Variants in FBXO11 observed in about 807,000 individuals in gnomAD.
FBXO11 encodes the protein F-box only protein 11.
In FBXO11, 13 loss-of-function variants were observed where a neutral mutation model predicts 117.0. The observed-to-expected ratio is 0.11, with a 90% CI of 0.07 to 0.18. FBXO11 has a LOEUF of 0.18. FBXO11 is among the 10% of genes least tolerant of loss of function. FBXO11 has a pLI of 1.00. For synonymous variants in FBXO11, 490 were observed against 380.5 expected (o/e 1.29, Z -3.35); for missense variants, 767 against 1,164.4 (o/e 0.66, Z 4.97).
chr2:47,891,559 G>T (rs1437331886), intron 1 of FBXO11, among the ~76,000 whole-genome samples: 1 of 152,148 alleles, frequency 6.6e-6, no homozygotes, highest in African/African-American at 2.4e-5. Flanking sequence ...CTTGGCTATT[G>T]TGAATAGTGC....
At chr2:47,872,493 T>G (rs997864553) in intron 1 of FBXO11, among the ~76,000 whole-genome samples, 1 of 152,086 alleles carries the variant, frequency 6.6e-6, no homozygotes, top group Non-Finnish European at 1.5e-5. Flanking sequence ...CTGCCTAATT[T>G]TTGTATTTTT....
intron 1 of FBXO11, among the ~76,000 whole-genome samples, chr2:47,882,039 C>T (rs1030679952): frequency 1.3e-5 from 2 of 152,076 alleles, no homozygotes; most frequent in Non-Finnish European, 2.9e-5. Context: ...TGAGTCACCA[C>T]GCCCAGCCCA....
intron 1 of FBXO11, among the ~76,000 whole-genome samples, chr2:47,898,328 C>A (rs1677833207): frequency 1.3e-5 from 2 of 152,072 alleles, no homozygotes; most frequent in South Asian, 2.1e-4. Context: ...TTTATGCTAA[C>A]CAAACATATA....
intron 13 of FBXO11, among the ~76,000 whole-genome samples, 146 bp downstream of exon 13, chr2:47,822,064 CAAGAGAGT>C (rs928261998): frequency 8.5e-5 from 13 of 152,224 alleles, no homozygotes; most frequent in African/African-American, 2.9e-4. Flanking sequence ...CCAGTCTGCA[CAAGAGAGT>C]AAGACCTCAT....
rs1198519700 is a variant in FBXO11, at chr2:47,834,609, T to C, written c.904A>G (p.Ile302Val). The change falls in exon 7 of 23, where the codon ATT becomes GTT. Residue 302 changes from isoleucine (I) to valine (V), a missense_variant. Ile to Val is a conservative substitution (Grantham distance 29). Around this residue, in one of 10 missense-constraint regions of FBXO11, gnomAD observed 123 missense variants for 145.0 expected, o/e 0.85. Coordinates refer to ENST00000403359, the MANE Select transcript of FBXO11 (RefSeq NM_001190274.2). The part of the protein sequence containing the change: ...SGIYTDEWIY[I>V]ESPITMIGAA... ...CCAATCATGGTGATTGGAGATTCAA[T>C]ATATATCCATTCATCAGTATATATT... The C allele has an allele frequency of 6.3e-7, 1 of 1,596,030 alleles. No homozygotes were observed. Among genetic ancestry groups the C allele is most frequent in the Non-Finnish European group, 8.5e-7 (1 of 1,172,870 alleles).
chr2:47,836,269 G>A (rs1672555281), intron 4 of FBXO11, among the ~76,000 whole-genome samples: 1 of 152,080 alleles, frequency 6.6e-6, no homozygotes, highest in South Asian at 2.1e-4. Context: ...GAGATTATGG[G>A]CATGTGTCAC....
At chr2:47,905,414 GCCCGCCCGCCCGC>G in intron 1 of FBXO11, 62 bp downstream of exon 1, 1 of 1,018,638 alleles carries the variant, frequency 9.8e-7, no homozygotes, top group Non-Finnish European at 1.2e-6. Flanking sequence ...CCGCCCGCCC[GCCCGCCCGCCCGC>G]CCCGGCCTCC....
chr2:47,814,438 G>T (rs1670866390), intron 16 of FBXO11: 1 of 150,602 alleles, frequency 6.6e-6, no homozygotes, highest in African/African-American at 2.5e-5. Context: ...AGTTGCAGTG[G>T]CATGATCATA....
chr2:47,871,771 G>T (rs749951562), intron 1 of FBXO11, among the ~76,000 whole-genome samples: 3 of 152,120 alleles, frequency 2.0e-5, no homozygotes, highest in Non-Finnish European at 4.4e-5. Context: ...ATACTATCAT[G>T]ATGTCCCTTC....
At chr2:47,866,779 G>C (rs1040391481) in intron 1 of FBXO11, among the ~76,000 whole-genome samples, 5 of 152,148 alleles carry the variant, frequency 3.3e-5, no homozygotes, top group Admixed American at 6.5e-5. Context: ...GCCTATGCTA[G>C]CAAGTTTTCC....
rs536524047 is a variant in FBXO11, at chr2:47,846,760, AT to A, written c.233-6992del. Reference sequence around the variant, plus strand: ...AAATATATCATTTCAATATGTAAATATAAAATTATTACTGAGATAATTTACA... The same window carrying A: ...AAATATATCATTTCAATATGTAAATAAAAATTATTACTGAGATAATTTACA... On this transcript the variant is annotated intron_variant, in intron 1 of 22. Transcript: ENST00000403359. 1.5e-4 allele frequency among the ~76,000 whole-genome samples: 23 copies of A among 152,354 alleles called. No homozygotes were observed. In the East Asian group the frequency reaches 4.4e-3, roughly 29 times the overall value.
At chr2:47,857,857 G>T (rs1354591244) in intron 1 of FBXO11, among the ~76,000 whole-genome samples, 15 of 152,110 alleles carry the variant, frequency 9.9e-5, no homozygotes, top group Admixed American at 9.8e-4. Context: ...GACAGCCTTT[G>T]CAGCTGGAAA....
chr2:47,906,279 TTC>T lies in FBXO11; in HGVS notation c.-561_-560del, dbSNP rs368270875. ...TGAAAGAGATTTCTGTGAGGAATTT[TTC>T]TCTCTTTCTTCGGTCTCTTCTCTCT... On this transcript the variant is annotated 5_prime_UTR_variant, in exon 1 of 23. Transcript: ENST00000403359. 77 of 156,748 alleles carry T rather than the reference TTC, an allele frequency of 4.9e-4. No homozygotes were observed. In the South Asian group the frequency reaches 8.1e-3, roughly 17 times the overall value. The allele number at this position is 156,748 out of a possible 1,614,324, so 9.7% of individuals were successfully genotyped here.
At chr2:47,823,701 C>T (rs552778628) in intron 11 of FBXO11, among the ~76,000 whole-genome samples, 23 of 151,492 alleles carry the variant, frequency 1.5e-4, no homozygotes, top group Non-Finnish European at 1.9e-4. Context: ...TGCAGTGAGC[C>T]GAGATTGCGC....
At chr2:47,903,807 G>C (rs974063870) in intron 1 of FBXO11, among the ~76,000 whole-genome samples, 1 of 152,182 alleles carries the variant, frequency 6.6e-6, no homozygotes, top group African/African-American at 2.4e-5. Flanking sequence ...ACTGCATACA[G>C]TGGCAATTCT....
chr2:47,884,068 A>T, intron 1 of FBXO11, among the ~76,000 whole-genome samples: 1 of 152,076 alleles, frequency 6.6e-6, no homozygotes, highest in East Asian at 1.9e-4. Context: ...AAAAATAAAA[A>T]AGTTAGCCGG....
intron 1 of FBXO11, among the ~76,000 whole-genome samples, chr2:47,851,872 C>T (rs374298817): frequency 1.3e-5 from 2 of 152,146 alleles, no homozygotes; most frequent in African/African-American, 4.8e-5. Context: ...AATCCTTAAC[C>T]TTTCCTTTGT....
chr2:47,881,076 A>G (rs1208151454), intron 1 of FBXO11, among the ~76,000 whole-genome samples: 1 of 152,196 alleles, frequency 6.6e-6, no homozygotes, highest in Non-Finnish European at 1.5e-5. Flanking sequence ...AACATGGTGA[A>G]ACCCGTCTCT....
rs567603053 is a variant in FBXO11 at position 47,807,757 on chromosome 2, G to A, written c.*361C>T. On this transcript the variant is annotated 3_prime_UTR_variant, in exon 23 of 23. Coordinates refer to ENST00000403359, the MANE Select transcript of FBXO11 (RefSeq NM_001190274.2). ...ATTGGTACCCATGTCCATAAAGGCA[G>A]CAACAAAGCTGCTTGTCTATTGAAG... 4.1e-6 allele frequency: 1 copy of A among 246,814 alleles called. No individual in the cohort carries two copies. The highest frequency in any genetic ancestry group is 2.2e-5 in the African/African-American group (1 of 45,554). The allele number at this position is 246,814 out of a possible 1,614,324, so 15.3% of individuals were successfully genotyped here. A position where few individuals can be genotyped will look rare whatever the true frequency, so the allele number is the denominator to read the frequency against.
Sources: allele counts gnomAD v4.1 joint callset (sites outside exome capture counted in the v4.1 genomes callset), GRCh38; gene constraint gnomAD v4.1.1; regional missense constraint gnomAD v4.1.1; transcripts MANE v1.5; gene names NCBI Gene and HGNC (gene_info 2026-07-23, HGNC 2026-07-21).